Variants in RSRC1 observed in about 807,000 individuals in gnomAD.
RSRC1 encodes the protein arginine and serine rich coiled-coil 1.
RSRC1 carries 39 observed loss-of-function variants against 49.1 expected under a neutral mutation model. The observed-to-expected ratio is 0.79, with a 90% CI of 0.61 to 1.04. The LOEUF (loss-of-function observed/expected upper bound fraction) is 1.04. RSRC1 is among the 50% of genes least tolerant of loss of function. The probability of loss-of-function intolerance (pLI) is 0.00; values close to 1 mark genes in which losing one functional copy is unlikely to be tolerated. For synonymous variants in RSRC1, 143 were observed against 130.8 expected (o/e 1.09, Z -0.63); for missense variants, 388 against 402.4 (o/e 0.96, Z 0.31).
intron 6 of RSRC1, among the ~76,000 whole-genome samples, chr3:158,456,637 C>T (rs1425542202): frequency 6.6e-6 from 1 of 152,108 alleles, no homozygotes; most frequent in Non-Finnish European, 1.5e-5. Context: ...GGGAAGGCTT[C>T]ACAGAAGAGA....
chr3:158,167,464 T>TA (rs1183573700), intron 3 of RSRC1, among the ~76,000 whole-genome samples: 1 of 152,230 alleles, frequency 6.6e-6, no homozygotes, highest in African/African-American at 2.4e-5. Context: ...GGGCTGGGAT[T>TA]ACAGGCGTGA....
chr3:158,522,652 A>T (rs1560075217), intron 7 of RSRC1, among the ~76,000 whole-genome samples: 1 of 152,162 alleles, frequency 6.6e-6, no homozygotes, highest in East Asian at 1.9e-4. Context: ...TAGTATACTT[A>T]TGTATATTAC....
At chr3:158,429,429 G>C (rs1735648928) in intron 6 of RSRC1, among the ~76,000 whole-genome samples, 1 of 108,390 alleles carries the variant, frequency 9.2e-6, no homozygotes, top group Admixed American at 9.3e-5. Flanking sequence ...ATGTATGCGT[G>C]TGTATACATG....
chr3:158,309,323 G>A (rs1457880321), intron 5 of RSRC1, among the ~76,000 whole-genome samples: 1 of 151,828 alleles, frequency 6.6e-6, no homozygotes, highest in Non-Finnish European at 1.5e-5. Context: ...GGATCTTGAT[G>A]TGGTATCTGC....
intron 5 of RSRC1, among the ~76,000 whole-genome samples, chr3:158,346,146 A>T (rs550965572): frequency 1.3e-5 from 2 of 152,128 alleles, no homozygotes; most frequent in African/African-American, 2.4e-5. Context: ...TAAAAGCCTG[A>T]TTCCTAAAAG....
chr3:158,291,293 T>G (rs2108103873), intron 4 of RSRC1, among the ~76,000 whole-genome samples: 1 of 152,328 alleles, frequency 6.6e-6, no homozygotes, highest in East Asian at 1.9e-4. Flanking sequence ...TTTAATCTTT[T>G]ATTTACCAAG....
At chr3:158,372,322 T>A (rs1359192949) in intron 6 of RSRC1, among the ~76,000 whole-genome samples, 1 of 151,968 alleles carries the variant, frequency 6.6e-6, no homozygotes, top group Non-Finnish European at 1.5e-5. Flanking sequence ...TTAAAATTAA[T>A]GTTTATATAT....
intron 6 of RSRC1, among the ~76,000 whole-genome samples, chr3:158,385,227 T>A (rs1578413212): frequency 6.6e-6 from 1 of 152,110 alleles, no homozygotes; most frequent in African/African-American, 2.4e-5. Context: ...ATATAACAGT[T>A]CCTGACACTA....
chr3:158,253,742 C>T (rs989531366), intron 4 of RSRC1, among the ~76,000 whole-genome samples: 16 of 151,682 alleles, frequency 1.1e-4, no homozygotes, highest in Admixed American at 8.5e-4. Flanking sequence ...TGTGGGTGTT[C>T]CATTGGTTGG....
At chr3:158,431,276 T>G (rs77879537) in intron 6 of RSRC1, among the ~76,000 whole-genome samples, 91,543 of 151,040 alleles carry the variant, frequency 0.61, 28,607 homozygotes, top group African/African-American at 0.74. Flanking sequence ...CTCCACAAAA[T>G]TAGATCTAAC....
At chr3:158,215,665 T>A (rs1721909242) in intron 4 of RSRC1, among the ~76,000 whole-genome samples, 1 of 151,858 alleles carries the variant, frequency 6.6e-6, no homozygotes, top group Non-Finnish European at 1.5e-5. Context: ...ATAGATTTTT[T>A]TAGTGGTTGC....
intron 6 of RSRC1, among the ~76,000 whole-genome samples, chr3:158,436,500 G>T (rs1376844339): frequency 6.6e-6 from 1 of 151,890 alleles, no homozygotes; most frequent in Non-Finnish European, 1.5e-5. Context: ...GTGCATGCAT[G>T]CACACATACA....
chr3:158,326,508 T>C (rs575924458), intron 5 of RSRC1, among the ~76,000 whole-genome samples: 10 of 152,322 alleles, frequency 6.6e-5, no homozygotes, highest in Admixed American at 6.5e-4. Context: ...TTGTCTTTGG[T>C]TCTGTGTATA....
At chr3:158,341,511 G>A (rs1389116687) in intron 5 of RSRC1, among the ~76,000 whole-genome samples, 5 of 152,198 alleles carry the variant, frequency 3.3e-5, no homozygotes, top group Non-Finnish European at 7.3e-5. Context: ...CAGGTGCACA[G>A]AAGTCATGAA....
At chr3:158,269,931 ACTT>A (rs1405177524) in intron 4 of RSRC1, among the ~76,000 whole-genome samples, 1 of 152,180 alleles carries the variant, frequency 6.6e-6, no homozygotes, top group Non-Finnish European at 1.5e-5. Context: ...TTTATGAAGA[ACTT>A]CTTTTAACTG....
At chr3:158,243,705 G>A (rs1454867377) in intron 4 of RSRC1, among the ~76,000 whole-genome samples, 2 of 151,966 alleles carry the variant, frequency 1.3e-5, no homozygotes, top group Admixed American at 6.6e-5. Flanking sequence ...TTTGTGTCAT[G>A]TCTGATTTCT....
chr3:158,462,867 C>T (rs1360951013), intron 7 of RSRC1, among the ~76,000 whole-genome samples: 2 of 151,880 alleles, frequency 1.3e-5, no homozygotes, highest in African/African-American at 4.8e-5. Context: ...CTTTCAGTTC[C>T]TGAGAATTGT....
At chr3:158,400,305 A>G (rs1433431609) in intron 6 of RSRC1, among the ~76,000 whole-genome samples, 2 of 152,178 alleles carry the variant, frequency 1.3e-5, no homozygotes, top group African/African-American at 4.8e-5. Context: ...ATATAAATAT[A>G]GCACATATAA....
At chr3:158,135,166 G>A (rs1716287540) in intron 3 of RSRC1, among the ~76,000 whole-genome samples, 1 of 152,084 alleles carries the variant, frequency 6.6e-6, no homozygotes, top group South Asian at 2.1e-4. Flanking sequence ...TGAACTTAGT[G>A]TAAGTTCTTA....
Sources: allele counts gnomAD v4.1 joint callset (sites outside exome capture counted in the v4.1 genomes callset), GRCh38; gene constraint gnomAD v4.1.1; transcripts MANE v1.5; gene names NCBI Gene and HGNC (gene_info 2026-07-23, HGNC 2026-07-21).